ESYT2: variants seen among roughly 807,000 people sequenced by gnomAD.
ESYT2 encodes extended synaptotagmin 2.
Under a neutral mutation model 107.2 loss-of-function variants are expected in ESYT2, and 54 were observed. The observed-to-expected ratio is 0.50, with a 90% CI of 0.40 to 0.63. The LOEUF is 0.63. ESYT2 is among the 30% of genes least tolerant of loss of function. ESYT2 has a pLI of 0.00. For synonymous variants in ESYT2, 491 were observed against 434.1 expected, an observed-to-expected ratio of 1.13 and a Z score of -1.63; for missense variants, 1,020 against 1,094.5, an observed-to-expected ratio of 0.93 and a Z score of 0.96.
chr7:158,776,440 C>T (rs1020221525), intron 6 of ESYT2, among the ~76,000 whole-genome samples: 3 of 152,224 alleles, frequency 2.0e-5, no homozygotes, highest in African/African-American at 7.2e-5. Flanking sequence ...TATCAATGAT[C>T]TTAGCTAGAT....
chr7:158,759,281 C>T (rs1217105798), intron 13 of ESYT2, among the ~76,000 whole-genome samples: 1 of 152,224 alleles, frequency 6.6e-6, no homozygotes, highest in Non-Finnish European at 1.5e-5. Flanking sequence ...ACAAATCCAG[C>T]TAAATGTGTA....
rs749769985 is a variant in ESYT2, at chr7:158,741,900, G to C, written c.1795-4C>G. The C allele has an allele frequency of 1.1e-5, 18 of 1,580,448 alleles. No homozygotes were observed. In the South Asian group the frequency reaches 2.0e-4, roughly 17 times the overall value. On this transcript the variant is annotated splice_region_variant and splice_polypyrimidine_tract_variant and intron_variant, in intron 17 of 22. Transcript: ENST00000275418. The stretch of plus-strand genomic sequence containing the variant: ...CTCGCTTTTCGAGATGGAGCACCTA[G>C]AGGTGGACATAAACATAAAAATTAA...
intron 9 of ESYT2, 29 bp downstream of exon 9, chr7:158,764,648 C>T (rs2129472241): frequency 6.2e-7 from 1 of 1,607,850 alleles, no homozygotes; most frequent in East Asian, 2.2e-5. Context: ...GCCCACCACC[C>T]CAGCAACACA....
intron 14 of ESYT2, among the ~76,000 whole-genome samples, chr7:158,749,977 G>T (rs1837529879): frequency 1.3e-5 from 2 of 152,162 alleles, no homozygotes; most frequent in Admixed American, 1.3e-4. Context: ...TTGGAAAACT[G>T]AATCTTCTAA....
intron 13 of ESYT2, among the ~76,000 whole-genome samples, chr7:158,758,658 C>T (rs551319441): frequency 5.3e-5 from 8 of 152,084 alleles, no homozygotes; most frequent in Non-Finnish European, 1.0e-4. Flanking sequence ...CCAACAAAAG[C>T]GGCTGTGGAC....
At chr7:158,779,403 A>G (rs752255439) in intron 6 of ESYT2, among the ~76,000 whole-genome samples, 24 of 152,348 alleles carry the variant, frequency 1.6e-4, no homozygotes, top group Non-Finnish European at 2.9e-4. Flanking sequence ...AGAAAAAAAG[A>G]AGCCAAACAG....
intron 1 of ESYT2, among the ~76,000 whole-genome samples, chr7:158,802,941 C>A (rs1450537932): frequency 6.6e-6 from 1 of 152,234 alleles, no homozygotes; most frequent in African/African-American, 2.4e-5. Context: ...AGGATTTGAG[C>A]TTTGCTCAAT....
intron 18 of ESYT2, among the ~76,000 whole-genome samples, chr7:158,740,993 T>C (rs1837177135): frequency 6.6e-6 from 1 of 152,076 alleles, no homozygotes; most frequent in Non-Finnish European, 1.5e-5. Context: ...CAGACAACTT[T>C]TTCCTCCGTA....
intron 1 of ESYT2, among the ~76,000 whole-genome samples, chr7:158,818,750 T>C (rs895762598): frequency 2.0e-5 from 3 of 152,194 alleles, no homozygotes; most frequent in Non-Finnish European, 2.9e-5. Context: ...AACAAGGTTC[T>C]AAGAGTTGGA....
rs943248362 is a variant in ESYT2 at position 158,829,380 on chromosome 7, G to A, written c.39C>T (p.Ala13=). The change falls in exon 1 of 23, where the codon GCC becomes GCT. Residue 13 remains alanine, a synonymous_variant. Transcript: ENST00000275418. The stretch of plus-strand genomic sequence containing the variant: ...GCGCCGCGCGGCCCCCAGCCCCGCC[G>A]GCGCCCGCCTCCGGGCCCTCGCCCC... ...GARGEGPEAG[A]GGAGGRAAPE... is the part of the protein sequence containing the mutation. 15 of 1,265,114 alleles carry A rather than the reference G, an allele frequency of 1.2e-5. No homozygotes were observed. In the African/African-American group the frequency reaches 1.7e-4, roughly 15 times the overall value. The allele number at this position is 1,265,114 out of a possible 1,614,324, so 78.4% of individuals were successfully genotyped here.
At chr7:158,807,558 G>A (rs1245012862) in intron 1 of ESYT2, among the ~76,000 whole-genome samples, 1 of 152,054 alleles carries the variant, frequency 6.6e-6, no homozygotes. Flanking sequence ...CTTTTTTCCT[G>A]AATATGTTCA....
intron 7 of ESYT2, among the ~76,000 whole-genome samples, chr7:158,771,639 C>G (rs907131898): frequency 6.6e-6 from 1 of 152,190 alleles, no homozygotes; most frequent in Non-Finnish European, 1.5e-5. Context: ...GGGTGGGGAG[C>G]TGGCGAGAGA....
rs756123515 is a variant in ESYT2, at chr7:158,788,304, T to C, written c.657+41A>G. On this transcript the variant is annotated intron_variant, in intron 5 of 22. Coordinates refer to ENST00000275418, the MANE Select transcript of ESYT2 (RefSeq NM_001367773.1). ...TTTTTGAATACAGCTTAGAGAACTT[T>C]AGAAAACTGTCAAATTAAAACAAAA... 5 of 1,554,710 alleles carry C rather than the reference T, an allele frequency of 3.2e-6. No homozygotes were observed. The Admixed American group carries it at 6.0e-5, about 19-fold the overall frequency.
At chr7:158,772,894 T>TAAAAA (rs3033501) in intron 7 of ESYT2, among the ~76,000 whole-genome samples, 1 of 142,018 alleles carries the variant, frequency 7.0e-6, no homozygotes, top group Non-Finnish European at 1.5e-5. Context: ...GAATAAAAGT[T>TAAAAA]AAAAAAAAAA....
chr7:158,734,250 T>C lies in ESYT2; in HGVS notation c.2558A>G (p.Tyr853Cys). Residue 853 changes from tyrosine to cysteine, a missense_variant and splice_region_variant, in exon 23 of 23, where the codon TAT becomes TGT. By Grantham distance (194) the Tyr-to-Cys change is radical (BLOSUM62 -2). Transcript: ENST00000275418. ...CCTCGTCCCATCTTCCGTGAGGTCA[T>C]ACCTGAGAAAGACAGTGACAGGAAG... ...EELAKGWTQW[Y>C]DLTEDGTRPQ... 2 of 1,614,118 alleles carry C rather than the reference T, an allele frequency of 1.2e-6. No individual in the cohort carries two copies. Among genetic ancestry groups the C allele is most frequent in the South Asian group, 1.1e-5 (1 of 91,074 alleles).
At chr7:158,811,811 C>G (rs558768437) in intron 1 of ESYT2, among the ~76,000 whole-genome samples, 1 of 152,232 alleles carries the variant, frequency 6.6e-6, no homozygotes, top group Non-Finnish European at 1.5e-5. Flanking sequence ...GAGTCTGGGT[C>G]AGCTAAACAA....
At position 158,731,736 on chromosome 7, in the gene ESYT2, C is replaced by T. The variant is rs1262492849; in HGVS notation, c.*2471G>A. On this transcript the variant is annotated 3_prime_UTR_variant, in exon 23 of 23. Transcript: ENST00000275418. ...TTACTAAGTTAATTAATTTTCCCTTCATTGGCTTGGCTCAAGGTAGAAAAG... is the reference window on the plus strand; with the variant it reads ...TTACTAAGTTAATTAATTTTCCCTTTATTGGCTTGGCTCAAGGTAGAAAAG... The T allele has an allele frequency of 2.6e-5, 4 of 152,670 alleles. No individual in the cohort carries two copies. The highest frequency in any genetic ancestry group is 5.9e-5 in the Non-Finnish European group (4 of 68,048). The allele number at this position is 152,670 out of a possible 1,614,324, so 9.5% of individuals were successfully genotyped here.
intron 1 of ESYT2, among the ~76,000 whole-genome samples, chr7:158,804,774 G>A (rs998961074): frequency 6.6e-6 from 1 of 151,780 alleles, no homozygotes; most frequent in African/African-American, 2.4e-5. Context: ...TGAGGTGTGT[G>A]ACAAACCCAA....
At chr7:158,757,115 C>A (rs766260364) in intron 13 of ESYT2, among the ~76,000 whole-genome samples, 3 of 151,830 alleles carry the variant, frequency 2.0e-5, no homozygotes, top group Non-Finnish European at 4.4e-5. Context: ...TCTCTACTAG[C>A]CAGGGTTGTT....
Sources: gnomAD v4.1 joint callset for allele counts (sites outside exome capture counted in the v4.1 genomes callset) on GRCh38, gnomAD v4.1.1 for gene constraint, MANE v1.5 for transcripts, NCBI Gene and HGNC (gene_info 2026-07-23, HGNC 2026-07-21) for gene names.